The following GLOD5 variants were observed in gnomAD, a reference collection of about 807,000 sequenced individuals.
GLOD5 encodes glyoxalase domain-containing protein 5.
In GLOD5, 7 loss-of-function variants were observed where a neutral mutation model predicts 9.9. The ratio of observed to expected loss-of-function variants is 0.71; its 90% confidence interval spans 0.40 to 1.33. The LOEUF is 1.33. Among genes scored for constraint, GLOD5 ranks in the 40% most tolerant of loss-of-function variants. The probability of loss-of-function intolerance (pLI) is 0.01; values close to 1 mark genes in which losing one functional copy is unlikely to be tolerated. For synonymous variants in GLOD5, 49 were observed against 47.3 expected (o/e 1.04, Z -0.14); for missense variants, 146 against 128.4 (o/e 1.14, Z -0.66).
intron 1 of GLOD5, among the ~76,000 whole-genome samples, chrX:48,764,686 T>C (rs1193766338): frequency 9.3e-6 from 1 of 107,097 alleles, no homozygotes; most frequent in East Asian, 3.0e-4. Context: ...TAACCAGAAC[T>C]ACACGTGAGC....
At chrX:48,763,409 G>A (rs1440889056) in intron 1 of GLOD5, among the ~76,000 whole-genome samples, 1 of 112,064 alleles carries the variant, frequency 8.9e-6, no homozygotes, top group Non-Finnish European at 1.9e-5. Context: ...GCTGGGTGCA[G>A]TGGCTCATGC....
chrX:48,769,770 G>C (rs1480369550), intron 2 of GLOD5, among the ~76,000 whole-genome samples: 1 of 107,981 alleles, frequency 9.3e-6, no homozygotes, highest in Non-Finnish European at 1.9e-5. Context: ...CTTGAGCCAG[G>C]AGTTCAAGAC....
intron 1 of GLOD5, among the ~76,000 whole-genome samples, chrX:48,764,823 G>T (rs1015538632): frequency 9.0e-6 from 1 of 111,244 alleles, no homozygotes; most frequent in Non-Finnish European, 1.9e-5. Context: ...GAGATTACAG[G>T]TGCCACCACT....
Position 48,773,480 on chromosome X carries a change from C to G in GLOD5, c.*45C>G, listed in dbSNP as rs1488483781. The G allele has an allele frequency of 1.7e-6, 2 of 1,182,885 alleles. No homozygotes were observed. Among genetic ancestry groups the G allele is most frequent in the Non-Finnish European group, 2.3e-6 (2 of 877,130 alleles). ...ATTCTGTCCCCCTTGATGTCGCCCTCTCCTTTCCTTCCTGCAAACCCCCAC... is the reference window on the plus strand; with the variant it reads ...ATTCTGTCCCCCTTGATGTCGCCCTGTCCTTTCCTTCCTGCAAACCCCCAC... On this transcript the variant is annotated 3_prime_UTR_variant, in exon 4 of 4. Coordinates refer to ENST00000303227, the MANE Select transcript of GLOD5 (RefSeq NM_001080489.3).
intron 2 of GLOD5, among the ~76,000 whole-genome samples, chrX:48,767,005 A>AAAAAAAAAAAAAAAAAAAAAAAC (rs2062611330): frequency 1.1e-5 from 1 of 87,222 alleles, no homozygotes; most frequent in African/African-American, 4.1e-5. Flanking sequence ...AAAAAAAAAA[A>AAAAAAAAAAAAAAAAAAAAAAAC]CCAACATTGG....
At chrX:48,769,095 A>C (rs1473504268) in intron 2 of GLOD5, among the ~76,000 whole-genome samples, 2 of 110,293 alleles carry the variant, frequency 1.8e-5, no homozygotes, top group Non-Finnish European at 3.8e-5. Flanking sequence ...ATTCATAGTG[A>C]TATAAAAGAG....
Position 48,773,507 on chromosome X carries a change from C to G in GLOD5, c.*72C>G. On this transcript the variant is annotated 3_prime_UTR_variant, in exon 4 of 4. Coordinates refer to ENST00000303227, the MANE Select transcript of GLOD5 (RefSeq NM_001080489.3). ...CCTTTCCTTCCTGCAAACCCCCACC[C>G]AGGCCCAGAGATCTCCAAAGACTGA... The G allele has an allele frequency of 9.0e-7, 1 of 1,105,970 alleles. No individual in the cohort carries two copies. Among genetic ancestry groups the G allele is most frequent in the Non-Finnish European group, 1.2e-6 (1 of 812,414 alleles). The allele number at this position is 1,105,970 out of a possible 1,213,427, so 91.1% of individuals were successfully genotyped here. A position where few individuals can be genotyped will look rare whatever the true frequency, so the allele number is the denominator to read the frequency against.
chrX:48,773,567 G>A lies in GLOD5; in HGVS notation c.*132G>A, dbSNP rs782373151. ...CACTTCACACATCCTGCTGAGGGGG[G>A]ACCCAAGACAGGTTTGGGACCAAAC... On this transcript the variant is annotated 3_prime_UTR_variant, in exon 4 of 4. Transcript: ENST00000303227. 8.2e-4 allele frequency: 586 copies of A among 717,750 alleles called. 1 individual carries two copies. Among genetic ancestry groups the A allele is most frequent in the Non-Finnish European group, 1.2e-3 (567 of 492,296 alleles). 59.2% of individuals were successfully genotyped at this position (717,750 alleles called of 1,213,427 possible).
intron 2 of GLOD5, among the ~76,000 whole-genome samples, chrX:48,769,636 T>C (rs942391973): frequency 9.0e-6 from 1 of 111,466 alleles, no homozygotes; most frequent in East Asian, 2.8e-4. Flanking sequence ...GAGATAGTAA[T>C]GTGAATGAGC....
intron 3 of GLOD5, among the ~76,000 whole-genome samples, chrX:48,772,513 A>G (rs1398539702): frequency 1.8e-5 from 2 of 111,465 alleles, no homozygotes; most frequent in Non-Finnish European, 3.8e-5. Flanking sequence ...CATTCTAGTC[A>G]GTGTGACAGA....
At position 48,765,992 on chromosome X, in the gene GLOD5, C is replaced by T; in HGVS notation, c.201+20C>T. ...TTTAAGGTAAGCACTTCCCCAAATG[C>T]CAAAATTCAGGTGGGCTAAAATTTG... On this transcript the variant is annotated intron_variant, in intron 2 of 3. Coordinates refer to ENST00000303227, the MANE Select transcript of GLOD5 (RefSeq NM_001080489.3). 1.7e-6 allele frequency: 2 copies of T among 1,196,564 alleles called. No individual in the cohort carries two copies. The highest frequency in any genetic ancestry group is 2.3e-6 in the Non-Finnish European group (2 of 885,307).
intron 2 of GLOD5, among the ~76,000 whole-genome samples, chrX:48,767,911 C>A (rs1037611468): frequency 9.0e-6 from 1 of 111,095 alleles, no homozygotes; most frequent in Non-Finnish European, 1.9e-5. Context: ...CACATGAACA[C>A]CCCTCCCACA....
intron 3 of GLOD5, among the ~76,000 whole-genome samples, chrX:48,773,064 C>T (rs996382123): frequency 2.1e-4 from 23 of 109,682 alleles, no homozygotes; most frequent in South Asian, 7.9e-4. Flanking sequence ...AGCAAGACCT[C>T]GTCTCTATGA....
At position 48,771,102 on chromosome X, in the gene GLOD5, T is replaced by C. The variant is rs2062621251; in HGVS notation, c.357+20T>C. 1 of 1,138,002 alleles carries C rather than the reference T, an allele frequency of 8.8e-7. No homozygotes were observed. Among genetic ancestry groups the C allele is most frequent in the African/African-American group, 1.8e-5 (1 of 54,475 alleles). 93.8% of individuals were successfully genotyped at this position (1,138,002 alleles called of 1,213,427 possible). On this transcript the variant is annotated intron_variant, in intron 3 of 3. Transcript: ENST00000303227. ...CTCAAGGTGAGTGGGACTTCTCTTC[T>C]TTTTGCAAAAGCTGCTGCAAACGCA...
chrX:48,767,847 T>C (rs782753831), intron 2 of GLOD5, among the ~76,000 whole-genome samples: 17 of 111,706 alleles, frequency 1.5e-4, no homozygotes, highest in Non-Finnish European at 3.2e-4. Context: ...TATATCCCTA[T>C]ACCTCCTGTT....
intron 1 of GLOD5, among the ~76,000 whole-genome samples, chrX:48,762,081 T>G (rs1365667314): frequency 9.0e-6 from 1 of 110,814 alleles, no homozygotes; most frequent in Non-Finnish European, 1.9e-5. Context: ...GGCTGGCTCC[T>G]CCCCCAGTTT....
chrX:48,770,281 T>TAATA (rs200009835), intron 2 of GLOD5, among the ~76,000 whole-genome samples: 50 of 95,572 alleles, frequency 5.2e-4, no homozygotes, highest in African/African-American at 2.5e-4. Context: ...TCTCAAATAA[T>TAATA]AATAAATAAA....
intron 1 of GLOD5, among the ~76,000 whole-genome samples, chrX:48,765,411 C>G (rs143940291): frequency 1.8e-5 from 2 of 108,248 alleles, no homozygotes; most frequent in Admixed American, 1.0e-4. Flanking sequence ...AACCCCGTCT[C>G]TACTAAAAAT....
chrX:48,768,029 G>A (rs1170181402), intron 2 of GLOD5, among the ~76,000 whole-genome samples: 1 of 111,672 alleles, frequency 9.0e-6, no homozygotes, highest in Non-Finnish European at 1.9e-5. Context: ...ATACTGGTGC[G>A]ATCACAGTTC....
Sources: gnomAD v4.1 joint callset for allele counts (sites outside exome capture counted in the v4.1 genomes callset) on GRCh38, gnomAD v4.1.1 for gene constraint, MANE v1.5 for transcripts, NCBI Gene and HGNC (gene_info 2026-07-23, HGNC 2026-07-21) for gene names.